Variants in DSCAM observed in about 807,000 individuals in gnomAD.
DSCAM encodes the protein cell adhesion molecule DSCAM.
A neutral mutation model predicts 217.7 loss-of-function variants in DSCAM; 47 were observed. The ratio of observed to expected loss-of-function variants is 0.22; its 90% CI spans 0.17 to 0.28. DSCAM has a LOEUF of 0.28. Ranked by LOEUF, DSCAM falls within the 10% of genes least tolerant of loss-of-function variation. The pLI, the probability that DSCAM is intolerant of heterozygous loss-of-function variation, is 1.00. For synonymous variants in DSCAM, 1,056 were observed against 1,015.3 expected (o/e 1.04, Z -0.76); for missense variants, 2,080 against 2,618.3 (o/e 0.79, Z 4.49).
intron 2 of DSCAM, among the ~76,000 whole-genome samples, chr21:40,694,821 C>A (rs1002754334): frequency 1.3e-5 from 2 of 150,988 alleles, no homozygotes; most frequent in African/African-American, 2.5e-5. Context: ...CATAAGTAAA[C>A]CTTTGCTGGG....
Position 40,637,653 on chromosome 21 carries a change from A to ATATATATC in DSCAM, c.508+55156_508+55157insGATATATA, listed in dbSNP as rs1403867132. On this transcript the variant is annotated intron_variant, in intron 3 of 32. Transcript: ENST00000400454. ...TATAAATATATATAAATATATATCT[A>ATATATATC]TATATATATATATAAATTTTTTTCT... is the stretch of plus-strand genomic sequence containing the variant. Among the ~76,000 whole-genome samples, 4 of 12,396 alleles carry ATATATATC rather than the reference A, an allele frequency of 3.2e-4. 1 individual carries two copies. Among genetic ancestry groups the ATATATATC allele is most frequent in the Admixed American group, 9.4e-4 (1 of 1,066 alleles). 8.1% of individuals were successfully genotyped at this position (12,396 alleles called of 152,430 possible). A position where few individuals can be genotyped will look rare whatever the true frequency, so the allele number is the denominator to read the frequency against.
At chr21:40,419,836 G>T (rs1162892568) in intron 3 of DSCAM, among the ~76,000 whole-genome samples, 2 of 151,972 alleles carry the variant, frequency 1.3e-5, no homozygotes, top group Non-Finnish European at 2.9e-5. Context: ...TGACTAGAAA[G>T]AATAAAAAAT....
Position 40,052,211 on chromosome 21 carries a change from C to A in DSCAM, c.5036-104G>T, listed in dbSNP as rs538625329. 6 of 1,245,552 alleles carry A rather than the reference C, an allele frequency of 4.8e-6. No homozygotes were observed. The East Asian group carries it at 1.2e-4, about 25-fold the overall frequency. The allele number at this position is 1,245,552 out of a possible 1,614,324, so 77.2% of individuals were successfully genotyped here. A position where few individuals can be genotyped will look rare whatever the true frequency, so the allele number is the denominator to read the frequency against. ...GCACTTGTGTTATTGTTAATGACAA[C>A]CACAATAATAGCCCCATCTAAAGTG... On this transcript the variant is annotated intron_variant, in intron 29 of 32. Coordinates refer to ENST00000400454, the MANE Select transcript of DSCAM (RefSeq NM_001389.5).
At chr21:40,368,997 G>C in intron 4 of DSCAM, 102 bp downstream of exon 4, 5 of 1,294,270 alleles carry the variant, frequency 3.9e-6, no homozygotes, top group Non-Finnish European at 5.1e-6. Flanking sequence ...GGAATTGAAG[G>C]CTCCATTTTA....
chr21:40,282,908 T>C (rs907023639), intron 10 of DSCAM, among the ~76,000 whole-genome samples: 4 of 152,204 alleles, frequency 2.6e-5, no homozygotes, highest in Non-Finnish European at 5.9e-5. Flanking sequence ...TCTTTATTAC[T>C]AAAAGGTCCT....
chr21:40,813,156 A>G (rs944680047), intron 1 of DSCAM, among the ~76,000 whole-genome samples: 11 of 152,224 alleles, frequency 7.2e-5, no homozygotes, highest in African/African-American at 1.4e-4. Context: ...CCTAAAGAGT[A>G]TAATAGAGAT....
At chr21:40,506,645 C>T (rs1486243717) in intron 3 of DSCAM, among the ~76,000 whole-genome samples, 1 of 152,118 alleles carries the variant, frequency 6.6e-6, no homozygotes, top group Non-Finnish European at 1.5e-5. Context: ...GTGATGAGGA[C>T]TATGTGTCAA....
At position 40,052,079 on chromosome 21, in the gene DSCAM, A is replaced by T; in HGVS notation, c.5064T>A (p.Asp1688Glu). The stretch of plus-strand genomic sequence containing the variant: ...GCTTAGCTGCCTCTCCAAAGTCAGC[A>T]TCCGTCAACAGAACCGTGGAGCGAT... ...IDDRSTVLLT[D>E]ADFGEAAKQK... is the part of the protein sequence containing the mutation. The change falls in exon 30 of 33, where the codon GAT becomes GAA. Residue 1688 changes from aspartate (D) to glutamate (E), a missense_variant. This residue lies in a region of DSCAM where 1,144 missense variants were observed against 1,421.1 expected (regional missense o/e 0.81). Transcript: ENST00000400454. 1 of 1,614,170 alleles carries T rather than the reference A, an allele frequency of 6.2e-7. No homozygotes were observed. The highest frequency in any genetic ancestry group is 8.5e-7 in the Non-Finnish European group (1 of 1,180,032).
chr21:40,741,667 C>T (rs1018128803), intron 1 of DSCAM, among the ~76,000 whole-genome samples: 4 of 152,158 alleles, frequency 2.6e-5, no homozygotes, highest in South Asian at 4.1e-4. Context: ...CCTGGCTGCA[C>T]GGTAGATTCA....
intron 8 of DSCAM, among the ~76,000 whole-genome samples, chr21:40,320,878 C>T (rs1249066317): frequency 1.3e-5 from 2 of 152,170 alleles, no homozygotes; most frequent in Non-Finnish European, 2.9e-5. Context: ...GGTGGAGACA[C>T]AGCCAAACCC....
At chr21:40,296,831 CAAAAAAA>C (rs58219836) in intron 9 of DSCAM, among the ~76,000 whole-genome samples, 4 of 53,818 alleles carry the variant, frequency 7.4e-5, no homozygotes, top group Admixed American at 2.2e-4. Context: ...AACTCCATCT[CAAAAAAA>C]AAAAAAAAAA....
intron 3 of DSCAM, chr21:40,383,710 A>C (rs1478887957): frequency 6.6e-6 from 1 of 152,160 alleles, no homozygotes; most frequent in African/African-American, 2.4e-5. Flanking sequence ...ATCTGACTAG[A>C]ATTTAATATT....
At chr21:40,257,556 T>A (rs565883928) in intron 11 of DSCAM, among the ~76,000 whole-genome samples, 1 of 152,006 alleles carries the variant, frequency 6.6e-6, no homozygotes, top group East Asian at 1.9e-4. Context: ...TCTCTCATAA[T>A]GCATCATCCT....
At chr21:40,152,713 C>T (rs1310167504) in intron 16 of DSCAM, among the ~76,000 whole-genome samples, 2 of 152,254 alleles carry the variant, frequency 1.3e-5, no homozygotes, top group Non-Finnish European at 2.9e-5. Flanking sequence ...CTCAATCAGT[C>T]GGCTGCAAGC....
intron 11 of DSCAM, among the ~76,000 whole-genome samples, chr21:40,267,200 A>AGT (rs199583099): frequency 0.045 from 6,782 of 152,222 alleles, 253 homozygotes; most frequent in African/African-American, 0.096. Flanking sequence ...AAAAAATGAA[A>AGT]AAACAAGTAA....
At chr21:40,674,107 T>A (rs2090309172) in intron 3 of DSCAM, among the ~76,000 whole-genome samples, 1 of 152,222 alleles carries the variant, frequency 6.6e-6, no homozygotes, top group Admixed American at 6.5e-5. Context: ...TGAACCAGAA[T>A]CCACATAATC....
At chr21:40,123,639 G>T (rs1280284487) in intron 20 of DSCAM, among the ~76,000 whole-genome samples, 1 of 152,132 alleles carries the variant, frequency 6.6e-6, no homozygotes, top group African/African-American at 2.4e-5. Context: ...CCTTCACAAT[G>T]AACCAGGCTG....
chr21:40,230,495 C>T lies in DSCAM; in HGVS notation c.2357-41257G>A, dbSNP rs373701038. 9.8e-4 allele frequency among the ~76,000 whole-genome samples: 149 copies of T among 152,082 alleles called. 1 individual carries two copies. The highest frequency in any genetic ancestry group is 1.1e-3 in the African/African-American group (44 of 41,492). On this transcript the variant is annotated intron_variant, in intron 11 of 32. Transcript: ENST00000400454. ...AAGTCGATGGGACCAGTCATAGTGG[C>T]CCCTCTTTTATTTCTTTCTCTAGTT...
chr21:40,330,689 G>A (rs1468683332), intron 8 of DSCAM, among the ~76,000 whole-genome samples: 1 of 151,828 alleles, frequency 6.6e-6, no homozygotes, highest in African/African-American at 2.4e-5. Context: ...AAACCCCCAG[G>A]GTAGCTGAGC....
Sources: allele counts gnomAD v4.1 joint callset (sites outside exome capture counted in the v4.1 genomes callset), GRCh38; gene constraint gnomAD v4.1.1; regional missense constraint gnomAD v4.1.1; transcripts MANE v1.5; gene names NCBI Gene and HGNC (gene_info 2026-07-23, HGNC 2026-07-21).